The following TAPT1 variants were observed in gnomAD, a reference collection of about 807,000 sequenced individuals.
TAPT1 encodes the protein transmembrane anterior posterior transformation 1.
A neutral mutation model predicts 65.6 loss-of-function variants in TAPT1; 28 were observed. That is an observed-to-expected ratio of 0.43 (90% CI 0.32 to 0.59). The LOEUF is 0.59. Among genes scored for constraint, TAPT1 ranks in the 20% least tolerant of loss-of-function variants. The pLI is 0.09. For missense variants in TAPT1, 563 were observed against 679.9 expected (o/e 0.83, Z 1.91); for synonymous variants, 278 against 245.2 (o/e 1.13, Z -1.25).
intron 3 of TAPT1, among the ~76,000 whole-genome samples, chr4:16,192,002 C>T (rs1304286082): frequency 2.0e-5 from 3 of 152,148 alleles, no homozygotes; most frequent in African/African-American, 4.8e-5. Context: ...GCATAGTGTT[C>T]CACTATGTGG....
rs1321031194 is a variant in TAPT1, at chr4:16,186,539, A to G, written c.912T>C (p.Asn304=). Residue 304 remains asparagine (N), a synonymous_variant, in exon 7 of 14, where the codon AAT becomes AAC. Coordinates refer to ENST00000405303, the MANE Select transcript of TAPT1 (RefSeq NM_153365.3). ...FEKNNLFQMS[N]SDIKERFTNY... ...GTAGAATCTAATTGTACATACCGCT[A>G]TTTGACATTTGAAAGAGATTGTTCT... 1.3e-6 allele frequency: 2 copies of G among 1,528,140 alleles called. No individual in the cohort carries two copies. Among genetic ancestry groups the G allele is most frequent in the East Asian group, 4.9e-5 (2 of 41,152 alleles). The allele number at this position is 1,528,140 out of a possible 1,614,324, so 94.7% of individuals were successfully genotyped here.
At chr4:16,226,536 C>T (rs1261944629), upstream of TAPT1, 2 of 928,246 alleles carry the variant, frequency 2.2e-6, no homozygotes, top group African/African-American at 1.8e-5. Flanking sequence ...CCTCGCCCCG[C>T]CCCTCGCCGG....
At chr4:16,198,987 G>A (rs1273488468) in intron 3 of TAPT1, among the ~76,000 whole-genome samples, 1 of 152,050 alleles carries the variant, frequency 6.6e-6, no homozygotes, top group Non-Finnish European at 1.5e-5. Flanking sequence ...CTATATTACT[G>A]TAAGCACAAA....
intron 1 of TAPT1, among the ~76,000 whole-genome samples, chr4:16,217,590 G>A (rs998766283): frequency 4.6e-5 from 7 of 152,142 alleles, no homozygotes; most frequent in African/African-American, 9.7e-5. Context: ...TTTCTTTACC[G>A]CTGAATTTCT....
intron 4 of TAPT1, among the ~76,000 whole-genome samples, chr4:16,188,765 A>C (rs997311834): frequency 3.3e-5 from 5 of 152,008 alleles, no homozygotes; most frequent in Admixed American, 3.3e-4. Context: ...CTAAAAATAC[A>C]AAAAATTAGC....
chr4:16,181,521 G>A (rs188346447), intron 7 of TAPT1, among the ~76,000 whole-genome samples: 7 of 152,262 alleles, frequency 4.6e-5, no homozygotes, highest in Admixed American at 4.6e-4. Flanking sequence ...CATTTCTAAG[G>A]ATACTGATGA....
chr4:16,168,750 T>C (rs1267919931), intron 12 of TAPT1, among the ~76,000 whole-genome samples: 2 of 152,276 alleles, frequency 1.3e-5, no homozygotes, highest in East Asian at 3.8e-4. Flanking sequence ...TGGGAATTTC[T>C]GTGACATCAA....
chr4:16,167,536 A>C (rs567495374), intron 12 of TAPT1, among the ~76,000 whole-genome samples: 7 of 152,160 alleles, frequency 4.6e-5, no homozygotes, highest in African/African-American at 1.7e-4. Flanking sequence ...GAAATGGTCT[A>C]TTTTACAAGG....
chr4:16,197,457 A>G, intron 3 of TAPT1, among the ~76,000 whole-genome samples: 1 of 152,216 alleles, frequency 6.6e-6, no homozygotes, highest in East Asian at 1.9e-4. Flanking sequence ...CTTTTAACTT[A>G]CGTGACTGAG....
chr4:16,164,028 A>T (rs317852), intron 13 of TAPT1, among the ~76,000 whole-genome samples: 36,875 of 151,920 alleles, frequency 0.24, 6,026 homozygotes, highest in African/African-American at 0.47. Context: ...AAACAAATAA[A>T]CAAAACCCCC....
chr4:16,195,474 G>A (rs544266331), intron 3 of TAPT1, among the ~76,000 whole-genome samples: 239 of 152,256 alleles, frequency 1.6e-3, no homozygotes, highest in Middle Eastern at 6.8e-3. Flanking sequence ...GCAGGTTTGG[G>A]TGTATGTCAT....
chr4:16,220,612 G>C (rs1473657464), intron 1 of TAPT1, among the ~76,000 whole-genome samples: 1 of 152,074 alleles, frequency 6.6e-6, no homozygotes, highest in Non-Finnish European at 1.5e-5. Flanking sequence ...TGCTGGGCAT[G>C]GTGGTGCACG....
chr4:16,198,126 T>TTAAG (rs1473322407), intron 3 of TAPT1, among the ~76,000 whole-genome samples: 1 of 152,192 alleles, frequency 6.6e-6, no homozygotes, highest in Admixed American at 6.5e-5. Flanking sequence ...CTGGGTTTAC[T>TTAAG]TAAGGCACTG....
chr4:16,209,431 G>C (rs1256397146), intron 2 of TAPT1, among the ~76,000 whole-genome samples: 1 of 152,144 alleles, frequency 6.6e-6, no homozygotes, highest in African/African-American at 2.4e-5. Flanking sequence ...AATATAGATG[G>C]AGCAAATTAA....
At chr4:16,212,472 A>T (rs1750698463) in intron 2 of TAPT1, among the ~76,000 whole-genome samples, 1 of 152,186 alleles carries the variant, frequency 6.6e-6, no homozygotes, top group South Asian at 2.1e-4. Flanking sequence ...TTTTTTTCCA[A>T]GTAAAAGAAA....
intron 2 of TAPT1, among the ~76,000 whole-genome samples, chr4:16,213,422 G>GA (rs1356858970): frequency 7.3e-5 from 11 of 151,498 alleles, no homozygotes; most frequent in Non-Finnish European, 7.4e-5. Flanking sequence ...TTATCATGCT[G>GA]AATGGGGGAA....
chr4:16,223,530 G>A (rs1427211488), intron 1 of TAPT1, among the ~76,000 whole-genome samples: 1 of 152,202 alleles, frequency 6.6e-6, no homozygotes, highest in Non-Finnish European at 1.5e-5. Flanking sequence ...GGAATGATGA[G>A]TGGGATTCCC....
intron 7 of TAPT1, 145 bp from the exon 8 acceptor site, chr4:16,179,802 ATGTGTGTGTGTGTGTG>A (rs56086979): frequency 4.2e-5 from 13 of 309,438 alleles, no homozygotes; most frequent in South Asian, 9.3e-5. Context: ...ATATATATAT[ATGTGTGTGTGTGTGTG>A]TGTGTGTGTA....
At chr4:16,177,817 TG>T (rs1281307548) in intron 8 of TAPT1, among the ~76,000 whole-genome samples, 1 of 113,712 alleles carries the variant, frequency 8.8e-6, no homozygotes, top group African/African-American at 4.4e-5. Context: ...GGCACTTTGT[TG>T]GTTTTTTTTT....
Sources: allele counts gnomAD v4.1 joint callset (sites outside exome capture counted in the v4.1 genomes callset), GRCh38; gene constraint gnomAD v4.1.1; transcripts MANE v1.5; gene names NCBI Gene and HGNC (gene_info 2026-07-23, HGNC 2026-07-21).